The following SAE1 variants were observed in gnomAD, a reference collection of about 807,000 sequenced individuals.
The protein encoded by SAE1 is SUMO-activating enzyme subunit 1.
Under a neutral mutation model 40.6 loss-of-function variants are expected in SAE1, and 11 were observed. The ratio of observed to expected loss-of-function variants is 0.27; its 90% CI spans 0.17 to 0.45. The LOEUF (loss-of-function observed/expected upper bound fraction) is 0.45. Among genes scored for constraint, SAE1 ranks in the 20% least tolerant of loss-of-function variants. The pLI is 1.00. For missense variants in SAE1, 373 were observed against 427.3 expected (o/e 0.87, Z 1.12); for synonymous variants, 155 against 154.3 (o/e 1.00, Z -0.03).
In SAE1 at chr19:47,205,607, G is replaced by A. The variant is rs1179990625; in HGVS notation, c.948+1867G>A. Among the ~76,000 whole-genome samples, 20 of 152,178 alleles carry A rather than the reference G, an allele frequency of 1.3e-4. 1 individual carries two copies. In the South Asian group the frequency reaches 3.9e-3, roughly 30 times the overall value. ...CCCTGTAGACAAACTGCAGGAAAGA[G>A]TGCAGCAATGGGAATGTTCTAAGTG... On this transcript the variant is annotated intron_variant, in intron 8 of 8. Transcript: ENST00000270225.
At chr19:47,160,388 A>ATTTTTT (rs34266912) in intron 5 of SAE1, among the ~76,000 whole-genome samples, 12 of 75,102 alleles carry the variant, frequency 1.6e-4, no homozygotes, top group Non-Finnish European at 2.1e-4. Flanking sequence ...CGCCCAGCTA[A>ATTTTTT]TTTTTTTTTT....
intron 2 of SAE1, among the ~76,000 whole-genome samples, chr19:47,147,079 GA>G (rs779428621): frequency 1.3e-5 from 2 of 152,040 alleles, no homozygotes; most frequent in Non-Finnish European, 2.9e-5. Context: ...GAAGCTTGGG[GA>G]CAGCCACACC....
intron 7 of SAE1, among the ~76,000 whole-genome samples, chr19:47,198,037 C>G (rs1272879938): frequency 6.6e-6 from 1 of 152,198 alleles, no homozygotes; most frequent in African/African-American, 2.4e-5. Flanking sequence ...TACGTGACTA[C>G]CTTTTTGCTC....
At chr19:47,202,280 A>C (rs780418711) in intron 7 of SAE1, among the ~76,000 whole-genome samples, 1 of 152,030 alleles carries the variant, frequency 6.6e-6, no homozygotes, top group Non-Finnish European at 1.5e-5. Context: ...GTTTAAAATT[A>C]TACCTATTTA....
At chr19:47,166,998 C>G (rs1262307675) in intron 5 of SAE1, among the ~76,000 whole-genome samples, 5 of 151,986 alleles carry the variant, frequency 3.3e-5, no homozygotes, top group Non-Finnish European at 7.4e-5. Context: ...GTTGCCCAGG[C>G]TGGAGTGTAG....
intron 2 of SAE1, 54 bp from the exon 3 acceptor site, chr19:47,150,148 G>C (rs760741170): frequency 8.7e-5 from 104 of 1,195,782 alleles, no homozygotes; most frequent in Middle Eastern, 3.0e-4. Context: ...TTCTTTTTAA[G>C]ATTTATTTTC....
intron 1 of SAE1, among the ~76,000 whole-genome samples, chr19:47,141,994 A>G (rs990492227): frequency 6.6e-6 from 1 of 152,164 alleles, no homozygotes; most frequent in Admixed American, 6.6e-5. Flanking sequence ...TAGTTGACCT[A>G]TTCTGCTTCC....
chr19:47,188,546 T>A (rs529574711), intron 6 of SAE1, among the ~76,000 whole-genome samples: 2 of 152,192 alleles, frequency 1.3e-5, no homozygotes, highest in African/African-American at 4.8e-5. Flanking sequence ...TCGGCTTTTC[T>A]AGGGCGAGTG....
intron 2 of SAE1, among the ~76,000 whole-genome samples, chr19:47,144,911 A>G (rs1413653517): frequency 6.6e-6 from 1 of 152,154 alleles, no homozygotes; most frequent in African/African-American, 2.4e-5. Context: ...CGCACACTGC[A>G]ACCTCCGCTT....
intron 6 of SAE1, among the ~76,000 whole-genome samples, chr19:47,191,872 G>A (rs775706757): frequency 5.9e-5 from 9 of 151,928 alleles, no homozygotes; most frequent in Non-Finnish European, 1.0e-4. Flanking sequence ...TGGCTAACAC[G>A]GTGAAACCCC....
chr19:47,140,640 C>T lies in SAE1; in HGVS notation c.99-2854C>T, dbSNP rs564517731. On this transcript the variant is annotated intron_variant, in intron 1 of 8. Transcript: ENST00000270225. The stretch of plus-strand genomic sequence containing the variant: ...TGTGTCTACAAAAAAAAAAAAAAAC[C>T]CATAAATCAGCCAGGTGCAGTGGTG... Among the ~76,000 whole-genome samples, 5 of 150,892 alleles carry T rather than the reference C, an allele frequency of 3.3e-5. No individual in the cohort carries two copies. The South Asian group carries it at 1.0e-3, about 32-fold the overall frequency.
intron 8 of SAE1, 72 bp downstream of exon 8, chr19:47,203,812 CT>C: frequency 7.6e-7 from 1 of 1,314,246 alleles, no homozygotes; most frequent in African/African-American, 1.4e-5. Flanking sequence ...AGAATGGAAA[CT>C]GTCTTAGACA....
intron 6 of SAE1, among the ~76,000 whole-genome samples, chr19:47,182,502 C>T (rs2058515369): frequency 1.5e-5 from 2 of 135,884 alleles, no homozygotes; most frequent in East Asian, 2.9e-4. Flanking sequence ...TGTGTGCGCG[C>T]ACGCACGCGC....
chr19:47,154,884 T>C (rs545624443), intron 4 of SAE1, among the ~76,000 whole-genome samples: 1 of 152,178 alleles, frequency 6.6e-6, no homozygotes, highest in African/African-American at 2.4e-5. Context: ...CCCAGCAGTG[T>C]GCTGAGCAAC....
chr19:47,180,830 G>T (rs1036628835), intron 6 of SAE1, among the ~76,000 whole-genome samples: 2 of 152,034 alleles, frequency 1.3e-5, no homozygotes, highest in African/African-American at 4.8e-5. Flanking sequence ...CGAAAAAGAA[G>T]ATGCTTTTAA....
intron 7 of SAE1, among the ~76,000 whole-genome samples, chr19:47,197,961 A>C (rs2123312826): frequency 6.6e-6 from 1 of 152,130 alleles, no homozygotes; most frequent in Admixed American, 6.6e-5. Context: ...ATCAATTCAT[A>C]CCCCCAGCAG....
intron 5 of SAE1, among the ~76,000 whole-genome samples, chr19:47,160,754 C>T (rs1009001363): frequency 6.6e-6 from 1 of 152,014 alleles, no homozygotes; most frequent in Admixed American, 6.6e-5. Flanking sequence ...TGGTCTCAAT[C>T]TCCTGACCTT....
intron 7 of SAE1, among the ~76,000 whole-genome samples, chr19:47,197,818 C>T (rs958310221): frequency 6.6e-5 from 10 of 152,342 alleles, no homozygotes; most frequent in Admixed American, 5.9e-4. Flanking sequence ...CTGCGTAACA[C>T]TGCAGTGTGT....
intron 1 of SAE1, chr19:47,135,715 G>A (rs1308613305): frequency 2.0e-5 from 3 of 152,068 alleles, no homozygotes; most frequent in Non-Finnish European, 4.4e-5. Flanking sequence ...CCAACTCCTG[G>A]GCTCAAATAA....
Sources: allele counts gnomAD v4.1 joint callset (sites outside exome capture counted in the v4.1 genomes callset), GRCh38; gene constraint gnomAD v4.1.1; transcripts MANE v1.5; gene names NCBI Gene and HGNC (gene_info 2026-07-23, HGNC 2026-07-21).